The following BORCS8 variants were observed in gnomAD, a reference collection of about 807,000 sequenced individuals.
The protein encoded by BORCS8 is BLOC-1 related complex subunit 8, also known as BLOC-1-related complex subunit 8.
In BORCS8, 13 loss-of-function variants were observed where a neutral mutation model predicts 18.7. That is an observed-to-expected ratio of 0.70 (90% CI 0.45 to 1.11). The LOEUF (loss-of-function observed/expected upper bound fraction) is 1.11, where lower values mean the gene tolerates loss of function less well. Among genes scored for constraint, BORCS8 ranks in the 50% least tolerant of loss-of-function variants. The probability of loss-of-function intolerance (pLI) is 0.00; values close to 1 mark genes in which losing one functional copy is unlikely to be tolerated. For synonymous variants in BORCS8, 68 were observed against 64.8 expected (o/e 1.05, Z -0.24); for missense variants, 165 against 165.7 (o/e 1.00, Z 0.02).
chr19:19,189,727 G>C (rs1168605937), intron 1 of BORCS8, among the ~76,000 whole-genome samples: 2 of 152,154 alleles, frequency 1.3e-5, no homozygotes, highest in Non-Finnish European at 2.9e-5. Context: ...ACCAGCCTGG[G>C]AGACATGGCG....
chr19:19,177,686 AAGGAAGGAAG>A (rs1266826610), intron 5 of BORCS8: 2,412 of 51,296 alleles, frequency 0.047, 123 homozygotes, highest in East Asian at 0.17. Context: ...GGAAGGAAGG[AAGGAAGGAAG>A]AGAAAAGAAA....
intron 1 of BORCS8, among the ~76,000 whole-genome samples, chr19:19,189,098 G>A (rs1250967307): frequency 1.3e-5 from 2 of 152,142 alleles, no homozygotes; most frequent in African/African-American, 2.4e-5. Context: ...GCCTCCCAGA[G>A]TGCTGGGATT....
Position 19,182,292 on chromosome 19 carries a change from A to T in BORCS8, c.326+281T>A. The T allele has an allele frequency of 1.5e-6, 1 of 689,134 alleles. No individual in the cohort carries two copies. The highest frequency in any genetic ancestry group is 2.0e-6 in the Non-Finnish European group (1 of 500,048). 42.7% of individuals were successfully genotyped at this position (689,134 alleles called of 1,614,324 possible). On this transcript the variant is annotated intron_variant, in intron 4 of 5. Transcript: ENST00000462790. The surrounding 1 kb of genome is among the most constrained non-coding windows in gnomAD (Gnocchi z 4.1). ...TGACATGCTCTTGTCTGCCATGTTTACCTGGTTGTCGTATGTCTCCTTGTG... is the reference window on the plus strand; with the variant it reads ...TGACATGCTCTTGTCTGCCATGTTTTCCTGGTTGTCGTATGTCTCCTTGTG...
chr19:19,179,206 TG>T (rs2060327930), intron 5 of BORCS8: 1 of 152,454 alleles, frequency 6.6e-6, no homozygotes, highest in South Asian at 2.1e-4. Context: ...GAGGCTGGGT[TG>T]GGGGTGTGGG....
chr19:19,180,396 G>C (rs999870438), intron 5 of BORCS8: 1 of 488,604 alleles, frequency 2.0e-6, no homozygotes, highest in Non-Finnish European at 3.7e-6. Context: ...TCCCTTCTCT[G>C]TCTTGGGGGG....
At chr19:19,190,568 C>T (rs991740590) in intron 1 of BORCS8, among the ~76,000 whole-genome samples, 1 of 152,218 alleles carries the variant, frequency 6.6e-6, no homozygotes, top group Non-Finnish European at 1.5e-5. Flanking sequence ...GCGGGAGGAT[C>T]ACCTGAGGTT....
At chr19:19,189,978 C>A (rs911621082) in intron 1 of BORCS8, among the ~76,000 whole-genome samples, 15 of 152,034 alleles carry the variant, frequency 9.9e-5, no homozygotes, top group African/African-American at 3.6e-4. Flanking sequence ...TACAGCAGAG[C>A]TCTAAACACT....
At chr19:19,186,558 T>C (rs1403530227) in intron 2 of BORCS8, among the ~76,000 whole-genome samples, 2 of 152,160 alleles carry the variant, frequency 1.3e-5, no homozygotes, top group Admixed American at 1.3e-4. Flanking sequence ...GCCTCCCCCT[T>C]CACTGGGCAC....
chr19:19,181,339 A>G (rs1260486286), intron 4 of BORCS8, among the ~76,000 whole-genome samples: 1 of 151,552 alleles, frequency 6.6e-6, no homozygotes. Context: ...ATCTCTATTT[A>G]AAGAAATATA....
chr19:19,178,221 G>C (rs546764421), intron 5 of BORCS8: 1 of 152,474 alleles, frequency 6.6e-6, no homozygotes, highest in African/African-American at 2.4e-5. Context: ...GGGCCAGTGA[G>C]AGTCCAGGAG....
chr19:19,192,028 C>T (rs1053470963), intron 1 of BORCS8, 53 bp downstream of exon 1: 21 of 1,548,412 alleles, frequency 1.4e-5, no homozygotes, highest in East Asian at 4.9e-5. Flanking sequence ...TTTGTCAGGC[C>T]GCCCCTCCAC....
chr19:19,190,873 T>A (rs908215540), intron 1 of BORCS8, among the ~76,000 whole-genome samples: 1 of 152,116 alleles, frequency 6.6e-6, no homozygotes, highest in Admixed American at 6.6e-5. Context: ...CCGTTATCCA[T>A]GGTTCCCGAA....
At position 19,177,744 on chromosome 19, in the gene BORCS8, AAAAGAAAAG is replaced by A. The variant is rs1172786621; in HGVS notation, c.*43-293_*43-285del. 2.0e-3 allele frequency: 348 copies of A among 176,872 alleles called. 6 individuals carry two copies. In the East Asian group the frequency reaches 0.042, roughly 21 times the overall value. 11.0% of individuals were successfully genotyped at this position (176,872 alleles called of 1,614,324 possible). The stretch of plus-strand genomic sequence containing the variant: ...AAAAGAAAAGAAAAGAAAAGAAAAG[AAAAGAAAAG>A]AAAGGAAGAAAGAAAGGGAGACCCA... On this transcript the variant is annotated intron_variant, in intron 5 of 5. Coordinates refer to ENST00000462790, the MANE Select transcript of BORCS8 (RefSeq NM_001145784.2).
intron 1 of BORCS8, among the ~76,000 whole-genome samples, chr19:19,189,917 A>C (rs1000482919): frequency 2.0e-5 from 2 of 100,454 alleles, no homozygotes; most frequent in Non-Finnish European, 4.0e-5. Flanking sequence ...ACTCTGTCCC[A>C]AAAAAAAAAA....
Position 19,182,519 on chromosome 19 carries a change from A to AGAC in BORCS8, c.326+51_326+53dup. On this transcript the variant is annotated intron_variant, in intron 4 of 5. Coordinates refer to ENST00000462790, the MANE Select transcript of BORCS8 (RefSeq NM_001145784.2). The surrounding 1 kb of genome is among the most constrained non-coding windows in gnomAD (Gnocchi z 4.1). Reference sequence around the variant, plus strand: ...AGCAGCGGTTCCCAGCGCAGCTGAGAGACGGTCCTTGCAGCTGGGAGTGGC... The same window carrying AGAC: ...AGCAGCGGTTCCCAGCGCAGCTGAGAGACGACGGTCCTTGCAGCTGGGAGTGGC... 1 of 1,533,198 alleles carries AGAC rather than the reference A, an allele frequency of 6.5e-7. No individual in the cohort carries two copies. The highest frequency in any genetic ancestry group is 8.8e-7 in the Non-Finnish European group (1 of 1,139,704). The allele number at this position is 1,533,198 out of a possible 1,614,324, so 95.0% of individuals were successfully genotyped here.
At position 19,181,930 on chromosome 19, in the gene BORCS8, G is replaced by A. The variant is rs1255903695; in HGVS notation, c.326+643C>T. On this transcript the variant is annotated intron_variant, in intron 4 of 5. Coordinates refer to ENST00000462790, the MANE Select transcript of BORCS8 (RefSeq NM_001145784.2). ...AGAATGCCAACAAAAACAAAAAGAAGGGCTACTCTTCAAAAATTCTCTTTC... is the reference window on the plus strand; with the variant it reads ...AGAATGCCAACAAAAACAAAAAGAAAGGCTACTCTTCAAAAATTCTCTTTC... 5 of 985,430 alleles carry A rather than the reference G, an allele frequency of 5.1e-6. No homozygotes were observed. The East Asian group carries it at 4.5e-4, about 89-fold the overall frequency. 61.0% of individuals were successfully genotyped at this position (985,430 alleles called of 1,614,324 possible).
Position 19,182,244 on chromosome 19 carries a change from C to T in BORCS8, c.326+329G>A, listed in dbSNP as rs1401675104. The T allele has an allele frequency of 4.5e-6, 2 of 447,256 alleles. No individual in the cohort carries two copies. Among genetic ancestry groups the T allele is most frequent in the African/African-American group, 2.0e-5 (1 of 48,870 alleles). 27.7% of individuals were successfully genotyped at this position (447,256 alleles called of 1,614,324 possible). On this transcript the variant is annotated intron_variant, in intron 4 of 5. Transcript: ENST00000462790. This position sits in a 1 kb window ranked among gnomAD's most constrained non-coding sequence, Gnocchi z 4.1. ...TCATGCCACCTCCTAGGAGGGGCCC[C>T]GCAGTGTTCTTCACAGCGCATCTGA...
chr19:19,187,069 C>G (rs2060416624), intron 1 of BORCS8, 64 bp from the exon 2 acceptor site: 14 of 1,319,104 alleles, frequency 1.1e-5, no homozygotes, highest in Non-Finnish European at 1.5e-5. Context: ...CCTCATTGCT[C>G]AAGTGTTGAG....
chr19:19,180,456 G>T, intron 5 of BORCS8: 1 of 579,990 alleles, frequency 1.7e-6, no homozygotes. Context: ...AAAGAGAGAG[G>T]AAGGTGGTGG....
Sources: allele counts gnomAD v4.1 joint callset (sites outside exome capture counted in the v4.1 genomes callset), GRCh38; gene constraint gnomAD v4.1.1; non-coding constraint Gnocchi (gnomAD v3.1); transcripts MANE v1.5; gene names NCBI Gene and HGNC (gene_info 2026-07-23, HGNC 2026-07-21).